ASPH: variants seen among roughly 807,000 people sequenced by gnomAD.
The protein encoded by ASPH is aspartate beta-hydroxylase.
In ASPH, 100 loss-of-function variants were observed where a neutral mutation model predicts 118.4. That is an observed-to-expected ratio of 0.84 (90% CI 0.72 to 1.00). ASPH has a LOEUF of 1.00. ASPH is among the 50% of genes least tolerant of loss of function. The probability of loss-of-function intolerance (pLI) is 0.00; values close to 1 mark genes in which losing one functional copy is unlikely to be tolerated. For missense variants in ASPH, 920 were observed against 919.5 expected (o/e 1.00, Z -0.01); for synonymous variants, 315 against 325.6 (o/e 0.97, Z 0.35).
At chr8:61,531,917 A>G (rs1817719638) in intron 21 of ASPH, among the ~76,000 whole-genome samples, 1 of 152,150 alleles carries the variant, frequency 6.6e-6, no homozygotes, top group South Asian at 2.1e-4. Flanking sequence ...TTTATATACT[A>G]AAGTTTTTCT....
intron 13 of ASPH, among the ~76,000 whole-genome samples, chr8:61,632,254 A>G (rs1321994624): frequency 6.6e-6 from 1 of 152,218 alleles, no homozygotes; most frequent in Non-Finnish European, 1.5e-5. Context: ...ATAAAATGTT[A>G]AAAGTATAGA....
In ASPH at chr8:61,517,553, T is replaced by C; in HGVS notation, c.2101A>G (p.Lys701Glu). 6.2e-7 allele frequency: 1 copy of C among 1,614,184 alleles called. No homozygotes were observed. The highest frequency in any genetic ancestry group is 2.2e-5 in the East Asian group (1 of 44,878). ...TTGGTCTCGTTGGCACATCGAATCT[T>C]GCAGCCTTCCTTGGGAATCACCAAG... ...LGLVIPKEGC[K>E]IRCANETKTW... The change falls in exon 24 of 25, where the codon AAG (lysine) becomes GAG (glutamate). Residue 701 changes from lysine (K) to glutamate (E), a missense_variant. Transcript: ENST00000379454.
In ASPH at chr8:61,583,942, AC is replaced by A. The variant is rs779992948; in HGVS notation, c.1062+1del. On this transcript the variant is annotated splice_donor_variant, in intron 15 of 24. Transcript: ENST00000379454. LOFTEE classifies it high-confidence loss of function. ...ACCATTGCACAAAAAATATCAACCT[AC>A]CCTTTTACGGAGTTTTTCTGCAGCA... 6.4e-7 allele frequency: 1 copy of A among 1,565,446 alleles called. No homozygotes were observed. The highest frequency in any genetic ancestry group is 8.7e-7 in the Non-Finnish European group (1 of 1,149,984).
intron 2 of ASPH, chr8:61,682,530 A>G (rs773207099): frequency 1.3e-6 from 2 of 1,535,656 alleles, no homozygotes; most frequent in East Asian, 4.5e-5. Context: ...GCTTAAAGGT[A>G]CAAATACTTA....
At chr8:61,664,960 AATAT>A in intron 3 of ASPH, 1 of 1,134,046 alleles carries the variant, frequency 8.8e-7, no homozygotes, top group Non-Finnish European at 1.1e-6. Flanking sequence ...GAAAGTATTC[AATAT>A]ATTAATCCAT....
intron 14 of ASPH, among the ~76,000 whole-genome samples, chr8:61,592,878 G>A (rs1841546230): frequency 6.6e-6 from 1 of 152,154 alleles, no homozygotes; most frequent in Non-Finnish European, 1.5e-5. Context: ...TGACAGTGAG[G>A]TAAATCTATA....
chr8:61,644,425 A>G (rs909095079), intron 7 of ASPH, among the ~76,000 whole-genome samples, 175 bp downstream of exon 7: 2 of 152,274 alleles, frequency 1.3e-5, no homozygotes, highest in Non-Finnish European at 2.9e-5. Flanking sequence ...TCAAAACACA[A>G]AAAAGTATAT....
At chr8:61,630,056 T>C (rs984414277) in intron 13 of ASPH, among the ~76,000 whole-genome samples, 1 of 152,188 alleles carries the variant, frequency 6.6e-6, no homozygotes, top group Non-Finnish European at 1.5e-5. Context: ...TAATGCTTAA[T>C]AAACATGAAA....
At chr8:61,681,337 A>C (rs899225714) in intron 2 of ASPH, among the ~76,000 whole-genome samples, 2 of 151,810 alleles carry the variant, frequency 1.3e-5, no homozygotes, top group African/African-American at 4.8e-5. Context: ...TTTTTATTAT[A>C]CTGCTAAAAA....
chr8:61,643,886 C>T (rs567066691), intron 8 of ASPH, 59 bp downstream of exon 8: 28 of 1,326,936 alleles, frequency 2.1e-5, no homozygotes, highest in Middle Eastern at 1.8e-4. Context: ...TGGAATAAAA[C>T]GGCCTTGGCC....
At position 61,547,655 on chromosome 8, in the gene ASPH, T is replaced by C. The variant is rs142517386; in HGVS notation, c.1764+416A>G. ...AACAATTCCAATCTTCTCACTACATTTTCTGTTTTGAAAATATAATTTTTT... is the reference window on the plus strand; with the variant it reads ...AACAATTCCAATCTTCTCACTACATCTTCTGTTTTGAAAATATAATTTTTT... On this transcript the variant is annotated intron_variant, in intron 21 of 24. Coordinates refer to ENST00000379454, the MANE Select transcript of ASPH (RefSeq NM_004318.4). Among the ~76,000 whole-genome samples, 23 of 152,242 alleles carry C rather than the reference T, an allele frequency of 1.5e-4. No homozygotes were observed. In the East Asian group the frequency reaches 4.4e-3, roughly 29 times the overall value.
intron 3 of ASPH, among the ~76,000 whole-genome samples, chr8:61,673,236 AG>A (rs1823510748): frequency 6.6e-6 from 1 of 152,192 alleles, no homozygotes; most frequent in African/African-American, 2.4e-5. Flanking sequence ...CAGGATCCCC[AG>A]GGCAGCAGGC....
intron 3 of ASPH, among the ~76,000 whole-genome samples, chr8:61,673,903 C>T (rs1230901222): frequency 6.6e-6 from 1 of 152,160 alleles, no homozygotes; most frequent in African/African-American, 2.4e-5. Flanking sequence ...TGGGTGTCAC[C>T]TTCATCAGAG....
chr8:61,602,792 T>A (rs1844418916), intron 14 of ASPH, among the ~76,000 whole-genome samples: 1 of 146,644 alleles, frequency 6.8e-6, no homozygotes, highest in South Asian at 2.1e-4. Context: ...GCAAAACTTA[T>A]CAAACTGTAT....
intron 22 of ASPH, among the ~76,000 whole-genome samples, chr8:61,518,701 A>G (rs529704465): frequency 2.4e-4 from 36 of 152,326 alleles, no homozygotes; most frequent in African/African-American, 8.7e-4. Context: ...AGTTTACATC[A>G]TCTGTTTACA....
At chr8:61,618,845 A>G in intron 14 of ASPH, 133 bp downstream of exon 14, 4 of 708,892 alleles carry the variant, frequency 5.6e-6, no homozygotes, top group African/African-American at 3.6e-5. Context: ...TTGATAAATC[A>G]TTGAAATAAC....
intron 1 of ASPH, among the ~76,000 whole-genome samples, chr8:61,691,443 C>T (rs1832618136): frequency 1.3e-5 from 2 of 152,208 alleles, no homozygotes. Context: ...TTAGTGCTTG[C>T]TAAATTGTTA....
chr8:61,601,247 A>G (rs757126744), intron 14 of ASPH, among the ~76,000 whole-genome samples: 3 of 151,306 alleles, frequency 2.0e-5, no homozygotes, highest in Non-Finnish European at 4.4e-5. Context: ...AACTTGACCT[A>G]AATGACTTTT....
Position 61,507,827 on chromosome 8 carries a change from A to C in ASPH, c.2127-4318T>G, listed in dbSNP as rs370814453. 3.9e-5 allele frequency among the ~76,000 whole-genome samples: 6 copies of C among 152,280 alleles called. No homozygotes were observed. In the East Asian group the frequency reaches 1.2e-3, roughly 29 times the overall value. On this transcript the variant is annotated intron_variant, in intron 24 of 24. Coordinates refer to ENST00000379454, the MANE Select transcript of ASPH (RefSeq NM_004318.4). The stretch of plus-strand genomic sequence containing the variant: ...AGTTACACTCGAATTACGACATACA[A>C]TCAGCCCTTTGGAGAAACAATCTTC...
Sources: gnomAD v4.1 joint callset for allele counts (sites outside exome capture counted in the v4.1 genomes callset) on GRCh38, gnomAD v4.1.1 for gene constraint, MANE v1.5 for transcripts, NCBI Gene and HGNC (gene_info 2026-07-23, HGNC 2026-07-21) for gene names.